The following SPINK5 variants were observed in gnomAD, a reference collection of about 807,000 sequenced individuals.
The protein encoded by SPINK5 is serine peptidase inhibitor Kazal type 5.
In SPINK5, 125 loss-of-function variants were observed where a neutral mutation model predicts 151.8. The ratio of observed to expected loss-of-function variants is 0.82; its 90% CI spans 0.71 to 0.96. SPINK5 has a LOEUF of 0.96. Among genes scored for constraint, SPINK5 ranks in the 40% least tolerant of loss-of-function variants. The pLI, the probability that SPINK5 is intolerant of heterozygous loss-of-function variation, is 0.00. For missense variants in SPINK5, 1,194 were observed against 1,291.9 expected (o/e 0.92, Z 1.16); for synonymous variants, 374 against 395.3 (o/e 0.95, Z 0.64).
chr5:148,127,767 A>G (rs1279434842), intron 30 of SPINK5, among the ~76,000 whole-genome samples: 1 of 152,104 alleles, frequency 6.6e-6, no homozygotes, highest in Non-Finnish European at 1.5e-5. Context: ...CTGAGGTGGA[A>G]GGATGGCTTG....
Position 148,101,894 on chromosome 5 carries a change from G to A in SPINK5, c.1416G>A (p.Met472Ile), listed in dbSNP as rs1328902734. The A allele has an allele frequency of 4.3e-6, 7 of 1,613,640 alleles. No individual in the cohort carries two copies. The East Asian group carries it at 1.1e-4, about 26-fold the overall frequency. ...DGKMHGNTCS[M>I]CEAFFQQEER... ...AAATGCATGGCAACACCTGCTCCATGTGTGAGGCCTTCTTGTGAGTAGAGC... is the reference window on the plus strand; with the variant it reads ...AAATGCATGGCAACACCTGCTCCATATGTGAGGCCTTCTTGTGAGTAGAGC... The change falls in exon 15 of 33, where the codon ATG becomes ATA. Residue 472 changes from methionine to isoleucine, a missense_variant. Coordinates refer to ENST00000256084, the MANE Select transcript of SPINK5 (RefSeq NM_006846.4).
Position 148,130,894 on chromosome 5 carries a change from G to A in SPINK5, c.2965-365G>A, listed in dbSNP as rs553247852. Reference sequence around the variant, plus strand: ...TTTACCTCTGAGTCTTTCCTTTCTAGGCTGTATATAACCAATACCTTCACT... The same window carrying A: ...TTTACCTCTGAGTCTTTCCTTTCTAAGCTGTATATAACCAATACCTTCACT... On this transcript the variant is annotated intron_variant, in intron 30 of 32. Transcript: ENST00000256084. Among the ~76,000 whole-genome samples the A allele has an allele frequency of 3.9e-5, 6 of 152,130 alleles. No homozygotes were observed. The East Asian group carries it at 7.7e-4, about 20-fold the overall frequency.
At chr5:148,082,982 TC>T (rs1336994448) in intron 4 of SPINK5, among the ~76,000 whole-genome samples, 6 of 84,736 alleles carry the variant, frequency 7.1e-5, no homozygotes, top group Admixed American at 4.0e-4. Flanking sequence ...GGCTTAATAT[TC>T]TTTTTTTTTT....
intron 7 of SPINK5, chr5:148,090,532 C>T (rs1753281552): frequency 6.6e-6 from 1 of 151,502 alleles, no homozygotes; most frequent in Non-Finnish European, 1.5e-5. Flanking sequence ...GGGAATTTGA[C>T]CTCTCTAACT....
At chr5:148,110,689 C>A (rs1473245421) in intron 18 of SPINK5, among the ~76,000 whole-genome samples, 1 of 151,950 alleles carries the variant, frequency 6.6e-6, no homozygotes, top group Non-Finnish European at 1.5e-5. Context: ...CTTATGAGAA[C>A]ACATGGACAC....
chr5:148,106,054 A>G (rs772953142), intron 16 of SPINK5, among the ~76,000 whole-genome samples: 9 of 151,934 alleles, frequency 5.9e-5, no homozygotes, highest in Non-Finnish European at 1.0e-4. Context: ...CTACTAGGTG[A>G]AACTATCTTT....
chr5:148,123,521 GTATA>G (rs1159209367), intron 26 of SPINK5, among the ~76,000 whole-genome samples: 20 of 25,010 alleles, frequency 8.0e-4, no homozygotes, highest in African/African-American at 1.1e-3. Context: ...CAATATATGT[GTATA>G]TATATATATA....
chr5:148,132,200 C>T (rs1754589078), intron 31 of SPINK5, among the ~76,000 whole-genome samples: 1 of 152,032 alleles, frequency 6.6e-6, no homozygotes, highest in African/African-American at 2.4e-5. Flanking sequence ...TATATGCATC[C>T]CTTCCCTTCT....
At chr5:148,121,973 A>C (rs906907385) in intron 26 of SPINK5, among the ~76,000 whole-genome samples, 1 of 147,956 alleles carries the variant, frequency 6.8e-6, no homozygotes. Context: ...GTCTTAAAAA[A>C]AAAATAAAAA....
chr5:148,092,121 C>T (rs1753328513), intron 8 of SPINK5, among the ~76,000 whole-genome samples: 1 of 151,920 alleles, frequency 6.6e-6, no homozygotes, highest in African/African-American at 2.4e-5. Flanking sequence ...TCCTGTTGGA[C>T]TGTGATTCTA....
rs778405919 is a variant in SPINK5 at position 148,111,779 on chromosome 5, T to C, written c.1704T>C (p.Ser568=). 1.9e-6 allele frequency: 3 copies of C among 1,613,912 alleles called. No individual in the cohort carries two copies. In the African/African-American group the frequency reaches 4.0e-5, roughly 22 times the overall value. ...GCTTCATTTGGCAGGAGCTGTGCAG[T>C]GAATATCGTCATTATGTGAGGAATG... The part of the protein sequence containing the change: ...VKREAVQELC[S]EYRHYVRNGR... Residue 568 remains serine (S), a synonymous_variant, in exon 19 of 33, where the codon AGT becomes AGC. Transcript: ENST00000256084.
intron 31 of SPINK5, among the ~76,000 whole-genome samples, chr5:148,132,917 A>C (rs1754607559): frequency 6.6e-6 from 1 of 152,202 alleles, no homozygotes; most frequent in African/African-American, 2.4e-5. Context: ...ATAACTGTCC[A>C]GGAATTCCAT....
chr5:148,112,808 C>T lies in SPINK5; in HGVS notation c.1821-60C>T. The T allele has an allele frequency of 3.1e-6, 5 of 1,608,360 alleles. No individual in the cohort carries two copies. In the South Asian group the frequency reaches 4.4e-5, roughly 14 times the overall value. On this transcript the variant is annotated intron_variant, in intron 19 of 32. Coordinates refer to ENST00000256084, the MANE Select transcript of SPINK5 (RefSeq NM_006846.4). Reference sequence around the variant, plus strand: ...CCATTTTTATGTAGAGACATTTCTCCTTTAGGGTAGTATGTATTGGGTGCT... The same window carrying T: ...CCATTTTTATGTAGAGACATTTCTCTTTTAGGGTAGTATGTATTGGGTGCT...
intron 15 of SPINK5, among the ~76,000 whole-genome samples, chr5:148,104,252 T>A (rs968044267): frequency 6.6e-6 from 1 of 152,178 alleles, no homozygotes; most frequent in Non-Finnish European, 1.5e-5. Flanking sequence ...TTAAGGTACT[T>A]CTTGTCTTCC....
At chr5:148,118,163 C>T (rs1448991741) in intron 22 of SPINK5, among the ~76,000 whole-genome samples, 1 of 152,134 alleles carries the variant, frequency 6.6e-6, no homozygotes, top group Non-Finnish European at 1.5e-5. Context: ...GGATTACAGG[C>T]ACCCGCCACC....
Position 148,131,368 on chromosome 5 carries a change from G to A in SPINK5, c.3074G>A (p.Cys1025Tyr). ...GATGGCCAAACCTACAACAATCCTT[G>A]CATGCTCTGTCATGAAAACCTGTAA... ...GDDGQTYNNP[C>Y]MLCHENLIRQ... Residue 1025 changes from cysteine to tyrosine, a missense_variant, in exon 31 of 33, where the codon TGC becomes TAC. Cys to Tyr is a radical substitution (Grantham distance 194). Transcript: ENST00000256084. The A allele has an allele frequency of 1.2e-6, 2 of 1,613,880 alleles. No homozygotes were observed. The highest frequency in any genetic ancestry group is 2.7e-5 in the African/African-American group (2 of 75,024).
chr5:148,111,775 G>A lies in SPINK5; in HGVS notation c.1700G>A (p.Cys567Tyr). The A allele has an allele frequency of 6.2e-7, 1 of 1,613,996 alleles. No homozygotes were observed. The highest frequency in any genetic ancestry group is 1.1e-5 in the South Asian group (1 of 91,092). Reference sequence around the variant, plus strand: ...TTCTGCTTCATTTGGCAGGAGCTGTGCAGTGAATATCGTCATTATGTGAGG... The same window carrying A: ...TTCTGCTTCATTTGGCAGGAGCTGTACAGTGAATATCGTCATTATGTGAGG... Reference protein sequence around the residue: ...KVKREAVQELCSEYRHYVRNG... With the variant: ...KVKREAVQELYSEYRHYVRNG... Residue 567 changes from cysteine (C) to tyrosine (Y), a missense_variant, in exon 19 of 33, where the codon TGC (cysteine) becomes TAC (tyrosine). Physicochemically the swap from Cys to Tyr is radical, Grantham distance 194. Transcript: ENST00000256084.
intron 32 of SPINK5, among the ~76,000 whole-genome samples, chr5:148,135,599 T>C (rs576791076): frequency 2.0e-5 from 3 of 152,318 alleles, no homozygotes; most frequent in South Asian, 2.1e-4. Flanking sequence ...AAAATTAACG[T>C]GTCCTGGACA....
In SPINK5 at chr5:148,123,934, T is replaced by C. The variant is rs1156786846; in HGVS notation, c.2640T>C (p.Asn880=). 6.2e-7 allele frequency: 1 copy of C among 1,613,932 alleles called. No individual in the cohort carries two copies. The highest frequency in any genetic ancestry group is 1.3e-5 in the African/African-American group (1 of 74,924). ...VRGPYGKMHI[N]KCAMCQSIFD... is the part of the protein sequence containing the mutation. ...GCCCATATGGCAAGATGCACATCAA[T>C]AAATGTGCTATGTGTCAGAGCATCT... Residue 880 remains asparagine (N), a synonymous_variant, in exon 27 of 33, where the codon AAT becomes AAC. Coordinates refer to ENST00000256084, the MANE Select transcript of SPINK5 (RefSeq NM_006846.4).
Sources: gnomAD v4.1 joint callset for allele counts (sites outside exome capture counted in the v4.1 genomes callset) on GRCh38, gnomAD v4.1.1 for gene constraint, MANE v1.5 for transcripts, NCBI Gene and HGNC (gene_info 2026-07-23, HGNC 2026-07-21) for gene names.